The following TNFAIP8 variants were observed in gnomAD, a reference collection of about 807,000 sequenced individuals.
TNFAIP8 encodes TNF alpha induced protein 8.
TNFAIP8 carries 7 observed loss-of-function variants against 13.3 expected under a neutral mutation model. The ratio of observed to expected loss-of-function variants is 0.52; its 90% CI spans 0.30 to 0.99. The LOEUF is 0.99. Ranked by LOEUF, TNFAIP8 falls within the 50% of genes least tolerant of loss-of-function variation. TNFAIP8 has a pLI of 0.07. For missense variants in TNFAIP8, 258 were observed against 236.9 expected (o/e 1.09, Z -0.58); for synonymous variants, 94 against 87.6 (o/e 1.07, Z -0.41).
intron 1 of TNFAIP8, among the ~76,000 whole-genome samples, chr5:119,273,312 G>A (rs1460472162): frequency 1.3e-5 from 2 of 152,242 alleles, no homozygotes; most frequent in African/African-American, 4.8e-5. Flanking sequence ...TCTCATTCCA[G>A]TAAGTGTTAG....
chr5:119,356,290 C>T (rs1363894636), intron 1 of TNFAIP8, among the ~76,000 whole-genome samples, 169 bp downstream of exon 1: 1 of 152,168 alleles, frequency 6.6e-6, no homozygotes, highest in Non-Finnish European at 1.5e-5. Flanking sequence ...CGGGTCTCAT[C>T]TTGGGCTCCC....
intron 1 of TNFAIP8, among the ~76,000 whole-genome samples, chr5:119,282,987 C>T (rs1010454117): frequency 2.0e-5 from 3 of 152,358 alleles, no homozygotes; most frequent in Admixed American, 6.5e-5. Flanking sequence ...GCCAAAGACT[C>T]TGCTGCTCCC....
At chr5:119,364,762 C>T (rs1350334490) in intron 1 of TNFAIP8, among the ~76,000 whole-genome samples, 1 of 150,972 alleles carries the variant, frequency 6.6e-6, no homozygotes, top group East Asian at 1.9e-4. Flanking sequence ...GCTCTTCATA[C>T]TGGGGGAAAG....
chr5:119,380,049 G>A (rs1752431229), intron 1 of TNFAIP8, among the ~76,000 whole-genome samples: 1 of 152,210 alleles, frequency 6.6e-6, no homozygotes, highest in African/African-American at 2.4e-5. Flanking sequence ...TTATAGAGCA[G>A]CTGTGTGCTA....
chr5:119,355,108 G>C, upstream of TNFAIP8: 1 of 551,674 alleles, frequency 1.8e-6, no homozygotes, highest in Middle Eastern at 4.8e-4. Flanking sequence ...CAATTTGTAG[G>C]GGCCTGTGGG....
rs571645383 is a variant in TNFAIP8, at chr5:119,380,172, A to G, written c.32-12644A>G. 2.6e-5 allele frequency among the ~76,000 whole-genome samples: 4 copies of G among 152,398 alleles called. No individual in the cohort carries two copies. In the East Asian group the frequency reaches 7.7e-4, roughly 29 times the overall value. On this transcript the variant is annotated intron_variant, in intron 1 of 1. Transcript: ENST00000504771. ...GGGTCCCCCAGGGTTAAGTAATAAC[A>G]GGACCAAACCAGAAATTCATTTAAA...
At chr5:119,390,441 C>G (rs1752848165) in intron 1 of TNFAIP8, among the ~76,000 whole-genome samples, 1 of 152,092 alleles carries the variant, frequency 6.6e-6, no homozygotes, top group Non-Finnish European at 1.5e-5. Flanking sequence ...AATCTTTATA[C>G]TCTTTTGCAA....
intron 1 of TNFAIP8, among the ~76,000 whole-genome samples, chr5:119,276,346 G>C (rs1409309483): frequency 2.0e-5 from 3 of 152,244 alleles, no homozygotes; most frequent in Non-Finnish European, 2.9e-5. Flanking sequence ...TCGAACTCCT[G>C]ACCTCAAGTG....
At chr5:119,342,066 GAT>G (rs1368043037) in intron 1 of TNFAIP8, among the ~76,000 whole-genome samples, 3 of 152,064 alleles carry the variant, frequency 2.0e-5, no homozygotes, top group African/African-American at 4.8e-5. Context: ...GGAACAAAGA[GAT>G]GAGTGAATTC....
intron 1 of TNFAIP8, among the ~76,000 whole-genome samples, chr5:119,304,143 C>T (rs1380146319): frequency 2.6e-5 from 4 of 151,966 alleles, no homozygotes; most frequent in Non-Finnish European, 4.4e-5. Context: ...TGTAGAGATA[C>T]GGTCTTGCTC....
intron 1 of TNFAIP8, among the ~76,000 whole-genome samples, chr5:119,282,593 C>A (rs80009239): frequency 0.02 from 3,109 of 152,336 alleles, 100 homozygotes; most frequent in African/African-American, 0.071. Flanking sequence ...TGTCTGACTC[C>A]ACAGTAAGGC....
At chr5:119,385,385 G>A (rs1327929358) in intron 1 of TNFAIP8, among the ~76,000 whole-genome samples, 2 of 152,258 alleles carry the variant, frequency 1.3e-5, no homozygotes, top group South Asian at 2.1e-4. Context: ...AGCCCCTGTG[G>A]CTTTTAACTG....
chr5:119,299,575 G>GGA (rs1288810917), intron 1 of TNFAIP8, among the ~76,000 whole-genome samples: 2 of 152,218 alleles, frequency 1.3e-5, no homozygotes, highest in Admixed American at 6.5e-5. Context: ...ACCCTCGTGA[G>GGA]GAGGCAGTCT....
chr5:119,339,467 T>G (rs994589684), intron 1 of TNFAIP8, among the ~76,000 whole-genome samples: 5 of 151,322 alleles, frequency 3.3e-5, no homozygotes, highest in Non-Finnish European at 7.4e-5. Context: ...GTTTTTTTTT[T>G]TTTTTTTTTT....
At chr5:119,284,450 A>T (rs140193356) in intron 1 of TNFAIP8, among the ~76,000 whole-genome samples, 4,599 of 152,176 alleles carry the variant, frequency 0.03, 243 homozygotes, top group African/African-American at 0.11. Context: ...GGAGGCTGAG[A>T]TGGGTGGATC....
At chr5:119,294,996 G>C (rs1286545679) in intron 1 of TNFAIP8, among the ~76,000 whole-genome samples, 1 of 151,858 alleles carries the variant, frequency 6.6e-6, no homozygotes, top group East Asian at 1.9e-4. Context: ...TAGGTTGCCT[G>C]TTCACTCTAA....
chr5:119,368,038 T>G (rs1751928763), intron 1 of TNFAIP8, among the ~76,000 whole-genome samples: 2 of 152,190 alleles, frequency 1.3e-5, no homozygotes, highest in African/African-American at 4.8e-5. Flanking sequence ...CCCACTGAGG[T>G]AGGTAATGGT....
In TNFAIP8 at chr5:119,397,704, T is replaced by C. The variant is rs1203256842; in HGVS notation, c.*4323T>C. The C allele has an allele frequency of 6.6e-6, 1 of 152,218 alleles. No homozygotes were observed. Among genetic ancestry groups the C allele is most frequent in the African/African-American group, 2.4e-5 (1 of 41,448 alleles). The allele number at this position is 152,218 out of a possible 1,614,324, so 9.4% of individuals were successfully genotyped here. A position where few individuals can be genotyped will look rare whatever the true frequency, so the allele number is the denominator to read the frequency against. ...AACCAGAAAATGAGTCAGCTTTTTG[T>C]TTCCAAAATGATGCAACAGGAAAAC... On this transcript the variant is annotated 3_prime_UTR_variant, in exon 2 of 2. Transcript: ENST00000504771.
chr5:119,268,788 AC>A, exon 1 of TNFAIP8: 1 of 687,464 alleles, frequency 1.5e-6, no homozygotes, highest in Non-Finnish European at 2.6e-6. Flanking sequence ...GCCGGCTCTA[AC>A]CCGCGCTTGG....
Sources: allele counts gnomAD v4.1 joint callset (sites outside exome capture counted in the v4.1 genomes callset), GRCh38; gene constraint gnomAD v4.1.1; transcripts MANE v1.5; gene names NCBI Gene and HGNC (gene_info 2026-07-23, HGNC 2026-07-21).